Variants in ERRFI1 observed in about 807,000 individuals in gnomAD.
The protein encoded by ERRFI1 is mitogen-inducible gene 6 protein.
A neutral mutation model predicts 14.6 loss-of-function variants in ERRFI1; 12 were observed. That is an observed-to-expected ratio of 0.82 (90% CI 0.53 to 1.33). ERRFI1 has a LOEUF of 1.33. Among genes scored for constraint, ERRFI1 ranks in the 40% most tolerant of loss-of-function variants. ERRFI1 has a pLI of 0.00. For synonymous variants in ERRFI1, 202 were observed against 209.9 expected (o/e 0.96, Z 0.32); for missense variants, 482 against 572.1 (o/e 0.84, Z 1.61).
At chr1:8,014,482 T>C in intron 3 of ERRFI1, 86 bp from the exon 4 acceptor site, 1 of 1,284,618 alleles carries the variant, frequency 7.8e-7, no homozygotes, top group Non-Finnish European at 1.1e-6. Context: ...TACCTATGCT[T>C]CCACAGCTTT....
rs374119208 is a variant in ERRFI1 at position 8,015,364 on chromosome 1, G to A, written c.146C>T (p.Pro49Leu). Reference sequence around the variant, plus strand: ...GTTCAGACTGTAGGCCATGGTTATCGGGTCAATATTTAAAAAGTTGCTGAA... The same window carrying A: ...GTTCAGACTGTAGGCCATGGTTATCAGGTCAATATTTAAAAAGTTGCTGAA... ...EFKNNFLNID[P>L]ITMAYSLNSS... The change falls in exon 3 of 4, where the codon CCG becomes CTG. Residue 49 changes from proline (P) to leucine (L), a missense_variant. Pro to Leu is a moderately conservative substitution (Grantham distance 98). Coordinates refer to ENST00000377482, the MANE Select transcript of ERRFI1 (RefSeq NM_018948.4). The A allele has an allele frequency of 1.2e-4, 190 of 1,614,134 alleles. No homozygotes were observed. Among genetic ancestry groups the A allele is most frequent in the Non-Finnish European group, 1.5e-4 (177 of 1,179,988 alleles).
chr1:8,023,092 G>T (rs1346216461), intron 1 of ERRFI1, among the ~76,000 whole-genome samples: 2 of 152,136 alleles, frequency 1.3e-5, no homozygotes, highest in African/African-American at 4.8e-5. Flanking sequence ...AAAAGAGGCA[G>T]CCCTGATAAG....
intron 1 of ERRFI1, among the ~76,000 whole-genome samples, chr1:8,021,682 C>G (rs1277230254): frequency 6.6e-6 from 1 of 152,180 alleles, no homozygotes; most frequent in Non-Finnish European, 1.5e-5. Flanking sequence ...ACTGGACATA[C>G]AACTGCCAGG....
intron 1 of ERRFI1, among the ~76,000 whole-genome samples, chr1:8,022,004 G>T (rs1349138469): frequency 6.6e-6 from 1 of 152,114 alleles, no homozygotes; most frequent in Non-Finnish European, 1.5e-5. Flanking sequence ...GGATTTACTG[G>T]TAATAGTTTT....
In ERRFI1 at chr1:8,013,588, G is replaced by A. The variant is rs1415583752; in HGVS notation, c.1011C>T (p.Ser337=). 3.7e-6 allele frequency: 6 copies of A among 1,614,132 alleles called. No individual in the cohort carries two copies. The highest frequency in any genetic ancestry group is 3.4e-6 in the Non-Finnish European group (4 of 1,180,036). The change falls in exon 4 of 4, where the codon AGC becomes AGT. Residue 337 remains serine (S), a synonymous_variant. Transcript: ENST00000377482. The surrounding 1 kb of genome is among the most constrained non-coding windows in gnomAD (Gnocchi z 4.3). ...PSNSRTPSPK[S]LPSYLNGVMP... is the part of the protein sequence containing the mutation. ...TGACCCCATTGAGGTAAGACGGAAG[G>A]CTTTTGGGACTCGGTGTGCGCGAGT...
chr1:8,017,140 GTTTT>G (rs5772299), intron 1 of ERRFI1, among the ~76,000 whole-genome samples: 1 of 145,998 alleles, frequency 6.8e-6, no homozygotes, highest in Admixed American at 6.8e-5. Flanking sequence ...AAGGCACAGG[GTTTT>G]TTTTTTTAAA....
In ERRFI1 at chr1:8,012,166, A is replaced by C. The variant is rs1392344566; in HGVS notation, c.*1044T>G. ...CAGACATACTGAGCTATGGGTCAGA[A>C]GTGTTTTACTTAAAAAGCAAACAAT... On this transcript the variant is annotated 3_prime_UTR_variant, in exon 4 of 4. Transcript: ENST00000377482. 4.4e-6 allele frequency: 1 copy of C among 228,578 alleles called. No homozygotes were observed. The highest frequency in any genetic ancestry group is 5.7e-5 in the Admixed American group (1 of 17,574). The allele number at this position is 228,578 out of a possible 1,614,324, so 14.2% of individuals were successfully genotyped here. A position where few individuals can be genotyped will look rare whatever the true frequency, so the allele number is the denominator to read the frequency against.
rs1247206049 is a variant in ERRFI1 at position 8,012,756 on chromosome 1, TA to T, written c.*453del. On this transcript the variant is annotated 3_prime_UTR_variant, in exon 4 of 4. Coordinates refer to ENST00000377482, the MANE Select transcript of ERRFI1 (RefSeq NM_018948.4). Reference sequence around the variant, plus strand: ...AAACTTACTAAACAAAAATATTTTTTAATGATTCTGATCTAAACAATACTGT... The same window carrying T: ...AAACTTACTAAACAAAAATATTTTTTATGATTCTGATCTAAACAATACTGT... 8.6e-6 allele frequency: 2 copies of T among 231,412 alleles called. No individual in the cohort carries two copies. The highest frequency in any genetic ancestry group is 2.2e-5 in the African/African-American group (1 of 45,210). 14.3% of individuals were successfully genotyped at this position (231,412 alleles called of 1,614,324 possible). A position where few individuals can be genotyped will look rare whatever the true frequency, so the allele number is the denominator to read the frequency against.
At position 8,013,708 on chromosome 1, in the gene ERRFI1, A is replaced by T; in HGVS notation, c.891T>A (p.Asp297Glu). Residue 297 changes from aspartate (D) to glutamate (E), a missense_variant, in exon 4 of 4, where the codon GAT (aspartate) becomes GAA (glutamate). Transcript: ENST00000377482. This position sits in a 1 kb window ranked among gnomAD's most constrained non-coding sequence, Gnocchi z 4.3. ...VPIPPRPVKP[D>E]YRRWSAEVTS... is the part of the protein sequence containing the mutation. ...TAACTTCTGCTGACCATCTTCTATA[A>T]TCTGGCTTTACTGGTCTAGGAGGTA... 6.2e-7 allele frequency: 1 copy of T among 1,614,002 alleles called. No individual in the cohort carries two copies. The highest frequency in any genetic ancestry group is 8.5e-7 in the Non-Finnish European group (1 of 1,179,982).
In ERRFI1 at chr1:8,013,333, T is replaced by A. The variant is rs750579536; in HGVS notation, c.1266A>T (p.Gln422His). Residue 422 changes from glutamine to histidine, a missense_variant, in exon 4 of 4, where the codon CAA (glutamine) becomes CAT (histidine). Gln to His is a conservative substitution (Grantham distance 24). Coordinates refer to ENST00000377482, the MANE Select transcript of ERRFI1 (RefSeq NM_018948.4). This position sits in a 1 kb window ranked among gnomAD's most constrained non-coding sequence, Gnocchi z 4.3. The stretch of plus-strand genomic sequence containing the variant: ...CGCAGTCAGCAGGTAATGGCTGGAT[T>A]TGGGCGCCTCCATTTGTTTCTTCTG... ...REAEETNGGAQIQPLPADCGI... is the reference protein window; with the variant it reads ...REAEETNGGAHIQPLPADCGI... 1.9e-6 allele frequency: 3 copies of A among 1,614,222 alleles called. No homozygotes were observed. In the South Asian group the frequency reaches 3.3e-5, roughly 18 times the overall value.
chr1:8,017,312 G>A (rs1259915503), intron 1 of ERRFI1, among the ~76,000 whole-genome samples: 1 of 152,114 alleles, frequency 6.6e-6, no homozygotes, highest in Admixed American at 6.5e-5. Context: ...CCCTTCCACA[G>A]TCAGCTGTTC....
Position 8,015,543 on chromosome 1 carries a change from A to G in ERRFI1, c.77T>C (p.Met26Thr). ...KTGFLHNGRA[M>T]GNMRKTYWSS... ...CCAGTAGGTCTTCCTCATATTCCCC[A>G]TGGCTCGGCCATTATGTAGAAATCC... The change falls in exon 2 of 4, where the codon ATG (methionine) becomes ACG (threonine). Residue 26 changes from methionine (M) to threonine (T), a missense_variant. Coordinates refer to ENST00000377482, the MANE Select transcript of ERRFI1 (RefSeq NM_018948.4). The G allele has an allele frequency of 4.3e-6, 7 of 1,614,076 alleles. No individual in the cohort carries two copies. Among genetic ancestry groups the G allele is most frequent in the Non-Finnish European group, 5.9e-6 (7 of 1,179,970 alleles).
chr1:8,022,021 G>A (rs1641280291), intron 1 of ERRFI1, among the ~76,000 whole-genome samples: 1 of 152,124 alleles, frequency 6.6e-6, no homozygotes, highest in Non-Finnish European at 1.5e-5. Flanking sequence ...TTTTTCTTGG[G>A]TAACCTGTAG....
rs1641133397 is a variant in ERRFI1, at chr1:8,014,025, T to A, written c.574A>T (p.Lys192Ter). 1 of 1,614,046 alleles carries A rather than the reference T, an allele frequency of 6.2e-7. No individual in the cohort carries two copies. The part of the protein sequence containing the change: ...LLEDSTLSDF[K>*]YDVPGRRSFR... ...CTTCGCCTGCCAGGAACATCATATT[T>A]GAAATCAGAAAGTGTAGAGTCTTCT... The change falls in exon 4 of 4, where the codon AAA (lysine) becomes TAA (stop). Residue 192 changes from lysine to a stop codon, truncating the protein, a stop_gained. Transcript: ENST00000377482. LOFTEE classifies it high-confidence loss of function.
At chr1:8,023,956 C>T (rs1193293676) in intron 1 of ERRFI1, among the ~76,000 whole-genome samples, 1 of 152,186 alleles carries the variant, frequency 6.6e-6, no homozygotes, top group Non-Finnish European at 1.5e-5. Flanking sequence ...CAAATGGATC[C>T]AGATGATGAG....
chr1:8,013,202 C>A lies in ERRFI1; in HGVS notation c.*8G>T, dbSNP rs771984755. 7.5e-6 allele frequency: 12 copies of A among 1,591,434 alleles called. No individual in the cohort carries two copies. The highest frequency in any genetic ancestry group is 1.0e-5 in the Non-Finnish European group (12 of 1,169,304). On this transcript the variant is annotated 3_prime_UTR_variant, in exon 4 of 4. Coordinates refer to ENST00000377482, the MANE Select transcript of ERRFI1 (RefSeq NM_018948.4). The surrounding 1 kb of genome is among the most constrained non-coding windows in gnomAD (Gnocchi z 4.3). ...TATGTAACCTCTGCTGAACCATGACCCCAAGGTCTAAGGAGAAACCACATA... is the reference window on the plus strand; with the variant it reads ...TATGTAACCTCTGCTGAACCATGACACCAAGGTCTAAGGAGAAACCACATA...
intron 1 of ERRFI1, among the ~76,000 whole-genome samples, chr1:8,018,430 GAAAC>G (rs1250015907): frequency 2.4e-5 from 3 of 125,702 alleles, no homozygotes; most frequent in African/African-American, 9.1e-5. Flanking sequence ...AAGCTAAAAA[GAAAC>G]AAACTCTTCC....
At chr1:8,020,565 T>G (rs1278748176) in intron 1 of ERRFI1, among the ~76,000 whole-genome samples, 1 of 151,308 alleles carries the variant, frequency 6.6e-6, no homozygotes, top group Non-Finnish European at 1.5e-5. Flanking sequence ...TTTTTTTTTT[T>G]TTTTTGAGAC....
Position 8,015,097 on chromosome 1 carries a change from T to C in ERRFI1, c.202+211A>G, listed in dbSNP as rs1641154151. 5.3e-6 allele frequency: 3 copies of C among 561,930 alleles called. No individual in the cohort carries two copies. In the African/African-American group the frequency reaches 5.6e-5, roughly 11 times the overall value. 34.8% of individuals were successfully genotyped at this position (561,930 alleles called of 1,614,324 possible). A position where few individuals can be genotyped will look rare whatever the true frequency, so the allele number is the denominator to read the frequency against. On this transcript the variant is annotated intron_variant, in intron 3 of 3. Coordinates refer to ENST00000377482, the MANE Select transcript of ERRFI1 (RefSeq NM_018948.4). ...TCCCACGTCCATGAACAGTCCTACT[T>C]AGCAATCAGTGACTCAGAATGAAGG... is the stretch of plus-strand genomic sequence containing the variant.
Sources: allele counts gnomAD v4.1 joint callset (sites outside exome capture counted in the v4.1 genomes callset), GRCh38; gene constraint gnomAD v4.1.1; non-coding constraint Gnocchi (gnomAD v3.1); transcripts MANE v1.5; gene names NCBI Gene and HGNC (gene_info 2026-07-23, HGNC 2026-07-21).